Variants in WWOX observed in about 807,000 individuals in gnomAD.
WWOX encodes WW domain-containing oxidoreductase.
Under a neutral mutation model 46.2 loss-of-function variants are expected in WWOX, and 69 were observed. The ratio of observed to expected loss-of-function variants is 1.49; its 90% CI spans 1.23 to 1.82. The LOEUF (loss-of-function observed/expected upper bound fraction) is 1.82. Among genes scored for constraint, WWOX ranks in the 40% most tolerant of loss-of-function variants. The probability of loss-of-function intolerance (pLI) is 0.00; values close to 1 mark genes in which losing one functional copy is unlikely to be tolerated. For synonymous variants in WWOX, 359 were observed against 202.6 expected, an observed-to-expected ratio of 1.77 and a Z score of -6.56; for missense variants, 919 against 542.6, an observed-to-expected ratio of 1.69 and a Z score of -6.89.
At chr16:79,195,846 T>C (rs912813865) in intron 8 of WWOX, among the ~76,000 whole-genome samples, 2 of 152,214 alleles carry the variant, frequency 1.3e-5, no homozygotes, top group Admixed American at 1.3e-4. Context: ...TGAGGAATTA[T>C]AGTTGAAAGG....
intron 8 of WWOX, among the ~76,000 whole-genome samples, chr16:78,582,870 C>T (rs577089771): frequency 1.3e-5 from 2 of 152,208 alleles, no homozygotes; most frequent in South Asian, 2.1e-4. Flanking sequence ...AGTGATGTAC[C>T]GGGAACCTCC....
chr16:78,121,489 T>C (rs1206063564), intron 4 of WWOX, among the ~76,000 whole-genome samples: 2 of 152,180 alleles, frequency 1.3e-5, no homozygotes, highest in African/African-American at 2.4e-5. Context: ...ATCAAAGTAT[T>C]TGAGAAGTAA....
chr16:79,194,744 TG>T (rs1466811588), intron 8 of WWOX, among the ~76,000 whole-genome samples: 3 of 152,186 alleles, frequency 2.0e-5, no homozygotes, highest in Non-Finnish European at 4.4e-5. Flanking sequence ...CCAAAATTTT[TG>T]TTGATGTTTC....
At chr16:78,783,887 G>GTGT (rs1555535029) in intron 8 of WWOX, among the ~76,000 whole-genome samples, 88 of 151,200 alleles carry the variant, frequency 5.8e-4, no homozygotes, top group Middle Eastern at 6.9e-3. Context: ...GATGATAATG[G>GTGT]TGATGATGGT....
chr16:79,174,233 C>T (rs911650436), intron 8 of WWOX, among the ~76,000 whole-genome samples: 7 of 152,206 alleles, frequency 4.6e-5, no homozygotes, highest in South Asian at 2.1e-4. Flanking sequence ...CTCTTGGCCA[C>T]CAATGCTGTA....
At chr16:79,102,159 A>C (rs1005076841) in intron 8 of WWOX, among the ~76,000 whole-genome samples, 2 of 151,854 alleles carry the variant, frequency 1.3e-5, no homozygotes, top group Admixed American at 1.3e-4. Context: ...ATAGTTTTTG[A>C]GGAATCAGTG....
intron 8 of WWOX, among the ~76,000 whole-genome samples, chr16:78,759,213 A>C (rs187997367): frequency 2.5e-4 from 38 of 152,272 alleles, no homozygotes; most frequent in African/African-American, 7.9e-4. Flanking sequence ...AGAACAGGGT[A>C]ATCAACTGGG....
At chr16:79,142,512 A>C (rs1298083131) in intron 8 of WWOX, among the ~76,000 whole-genome samples, 2 of 152,150 alleles carry the variant, frequency 1.3e-5, no homozygotes, top group Non-Finnish European at 2.9e-5. Context: ...CATTTTCTAG[A>C]ACATACCTGG....
intron 8 of WWOX, among the ~76,000 whole-genome samples, chr16:78,883,487 G>T (rs1358330218): frequency 1.3e-5 from 2 of 152,172 alleles, no homozygotes; most frequent in Admixed American, 6.5e-5. Context: ...ATTGCGGGAG[G>T]CTGAGGCAAG....
At chr16:78,733,613 G>C (rs953937892) in intron 8 of WWOX, among the ~76,000 whole-genome samples, 1 of 151,718 alleles carries the variant, frequency 6.6e-6, no homozygotes. Context: ...AAATTAGCCG[G>C]GTATGGTGGT....
intron 4 of WWOX, among the ~76,000 whole-genome samples, chr16:78,137,572 A>C (rs1274984568): frequency 6.6e-5 from 10 of 152,298 alleles, no homozygotes; most frequent in Non-Finnish European, 2.9e-5. Flanking sequence ...ATATGCCGCC[A>C]CAGAGGGAAT....
chr16:79,110,491 G>A (rs1397055363), intron 8 of WWOX, among the ~76,000 whole-genome samples: 2 of 152,132 alleles, frequency 1.3e-5, no homozygotes, highest in African/African-American at 4.8e-5. Flanking sequence ...TGTTCTCTCT[G>A]CTAGAATATC....
chr16:78,636,213 G>T (rs1327130129), intron 8 of WWOX, among the ~76,000 whole-genome samples: 1 of 152,180 alleles, frequency 6.6e-6, no homozygotes, highest in Non-Finnish European at 1.5e-5. Flanking sequence ...TTAGAGACCA[G>T]GTTAAAGCTT....
intron 8 of WWOX, among the ~76,000 whole-genome samples, chr16:78,944,146 T>C (rs2045905089): frequency 1.3e-5 from 2 of 152,188 alleles, no homozygotes; most frequent in Admixed American, 1.3e-4. Flanking sequence ...TATGATAAGA[T>C]TGTTGTTGAT....
At chr16:78,898,860 G>T (rs1174050441) in intron 8 of WWOX, 1 of 151,960 alleles carries the variant, frequency 6.6e-6, no homozygotes, top group Admixed American at 6.5e-5. Context: ...TTACACATTT[G>T]ATTTTTTTAT....
chr16:78,938,348 C>T (rs1230816622), intron 8 of WWOX, among the ~76,000 whole-genome samples: 1 of 152,154 alleles, frequency 6.6e-6, no homozygotes, highest in African/African-American at 2.4e-5. Context: ...AGTTGGAACC[C>T]GTGTATACCA....
chr16:79,073,372 G>T (rs572385688), intron 8 of WWOX, among the ~76,000 whole-genome samples: 3 of 151,956 alleles, frequency 2.0e-5, no homozygotes, highest in Non-Finnish European at 2.9e-5. Flanking sequence ...TGGAGACAGG[G>T]TTTCACCATG....
intron 5 of WWOX, among the ~76,000 whole-genome samples, chr16:78,293,233 A>G (rs943750293): frequency 6.6e-6 from 1 of 152,116 alleles, no homozygotes; most frequent in African/African-American, 2.4e-5. Context: ...GGGATTATAC[A>G]TTTACCTCTT....
intron 8 of WWOX, among the ~76,000 whole-genome samples, chr16:78,533,486 A>C (rs2043679588): frequency 6.6e-6 from 1 of 152,124 alleles, no homozygotes; most frequent in Non-Finnish European, 1.5e-5. Context: ...GCCAGATTCA[A>C]AGTTGTCCTG....
Sources: allele counts gnomAD v4.1 joint callset (sites outside exome capture counted in the v4.1 genomes callset), GRCh38; gene constraint gnomAD v4.1.1; transcripts MANE v1.5; gene names NCBI Gene and HGNC (gene_info 2026-07-23, HGNC 2026-07-21).